The following RGS6 variants were observed in gnomAD, a reference collection of about 807,000 sequenced individuals.
RGS6 encodes regulator of G protein signaling 6.
In RGS6, 30 loss-of-function variants were observed where a neutral mutation model predicts 78.5. The observed-to-expected ratio is 0.38, with a 90% CI of 0.29 to 0.52. RGS6 has a LOEUF of 0.52. RGS6 is among the 20% of genes least tolerant of loss of function. The pLI, the probability that RGS6 is intolerant of heterozygous loss-of-function variation, is 0.85. For synonymous variants in RGS6, 206 were observed against 206.0 expected (o/e 1.00, Z 0.00); for missense variants, 495 against 609.7 (o/e 0.81, Z 1.98).
intron 2 of RGS6, among the ~76,000 whole-genome samples, chr14:72,075,625 A>G (rs1597154469): frequency 6.6e-6 from 1 of 152,312 alleles, no homozygotes; most frequent in Middle Eastern, 3.4e-3. Flanking sequence ...CCTAGAAGTA[A>G]TCACTCTTGT....
chr14:72,243,441 G>T (rs2053437332), intron 2 of RGS6, among the ~76,000 whole-genome samples: 1 of 151,350 alleles, frequency 6.6e-6, no homozygotes, highest in South Asian at 2.1e-4. Context: ...AGCATGACAA[G>T]TGAGAAAATG....
chr14:72,557,719 A>T (rs942289020), intron 17 of RGS6, among the ~76,000 whole-genome samples: 2 of 152,260 alleles, frequency 1.3e-5, no homozygotes, highest in African/African-American at 4.8e-5. Context: ...GCTGTATTCA[A>T]CGAAACACGA....
chr14:72,416,078 G>A (rs1228881085), intron 3 of RGS6, among the ~76,000 whole-genome samples: 1 of 151,478 alleles, frequency 6.6e-6, no homozygotes, highest in Non-Finnish European at 1.5e-5. Flanking sequence ...AACCCGGGAG[G>A]CGGAGGTTGC....
chr14:72,060,037 C>T (rs1029309706), intron 2 of RGS6, among the ~76,000 whole-genome samples: 4 of 152,102 alleles, frequency 2.6e-5, no homozygotes, highest in South Asian at 2.1e-4. Flanking sequence ...TATGTCTCCA[C>T]GATGGAAGAG....
intron 13 of RGS6, among the ~76,000 whole-genome samples, chr14:72,506,887 G>A (rs945864315): frequency 6.8e-6 from 1 of 147,560 alleles, no homozygotes; most frequent in South Asian, 2.2e-4. Context: ...AGTGGCTCAC[G>A]CCTGTAATCC....
chr14:71,900,561 A>G, the RGS6 span, among the ~76,000 whole-genome samples: 1 of 152,110 alleles, frequency 6.6e-6, no homozygotes, highest in African/African-American at 2.4e-5. Context: ...TGTTATCTTG[A>G]AACTAAAACT....
chr14:72,033,223 A>C (rs2091186961), intron 2 of RGS6, among the ~76,000 whole-genome samples: 1 of 152,132 alleles, frequency 6.6e-6, no homozygotes, highest in South Asian at 2.1e-4. Context: ...AAATGGTTGC[A>C]TTGGTGGGTT....
Position 72,540,403 on chromosome 14 carries a change from G to T in RGS6, c.1422+309G>T. On this transcript the variant is annotated intron_variant, in intron 17 of 17. Transcript: ENST00000553525. ...GAGGGACCCTGCTGCCCTCGGGGCT[G>T]TGCGGTTTGTGCATCTTCTGCAGCA... 1.2e-5 allele frequency: 18 copies of T among 1,464,534 alleles called. No homozygotes were observed. In the South Asian group the frequency reaches 2.6e-4, roughly 21 times the overall value. The allele number at this position is 1,464,534 out of a possible 1,614,324, so 90.7% of individuals were successfully genotyped here.
intron 3 of RGS6, among the ~76,000 whole-genome samples, chr14:72,450,712 A>G (rs146679437): frequency 6.6e-6 from 1 of 152,310 alleles, no homozygotes; most frequent in African/African-American, 2.4e-5. Flanking sequence ...TTAATCTTAG[A>G]TAGAACAGAA....
intron 2 of RGS6, among the ~76,000 whole-genome samples, chr14:72,289,369 G>A (rs939227629): frequency 1.3e-4 from 19 of 146,442 alleles, no homozygotes; most frequent in Admixed American, 2.8e-4. Flanking sequence ...CCCCCTCCCC[G>A]TTTTCCTGTG....
intron 2 of RGS6, among the ~76,000 whole-genome samples, chr14:72,320,534 C>T (rs2071625931): frequency 6.6e-6 from 1 of 151,974 alleles, no homozygotes; most frequent in South Asian, 2.1e-4. Flanking sequence ...GCAGAGATCA[C>T]ACCACTACAC....
At chr14:72,268,730 G>A (rs2059454294) in intron 2 of RGS6, among the ~76,000 whole-genome samples, 1 of 152,236 alleles carries the variant, frequency 6.6e-6, no homozygotes, top group Non-Finnish European at 1.5e-5. Flanking sequence ...GGTTGGGAGA[G>A]GGGAGACAGG....
the RGS6 span, among the ~76,000 whole-genome samples, chr14:71,873,468 C>T: frequency 4.6e-5 from 7 of 152,046 alleles, no homozygotes; most frequent in Non-Finnish European, 7.4e-5. Flanking sequence ...TCATATCCTT[C>T]GTCCACTTTT....
intron 15 of RGS6, among the ~76,000 whole-genome samples, chr14:72,528,651 CGGAG>C (rs1346347532): frequency 1.3e-5 from 2 of 151,670 alleles, no homozygotes; most frequent in Non-Finnish European, 2.9e-5. Context: ...AAGGGAAAGA[CGGAG>C]GGAGAGAGGA....
At chr14:72,308,191 C>T (rs1312710325) in intron 2 of RGS6, among the ~76,000 whole-genome samples, 2 of 152,104 alleles carry the variant, frequency 1.3e-5, no homozygotes, top group South Asian at 2.1e-4. Flanking sequence ...GCCTTCAGAA[C>T]GATGCTGAGT....
intron 2 of RGS6, among the ~76,000 whole-genome samples, chr14:72,193,377 T>C (rs2039200907): frequency 6.6e-6 from 1 of 152,206 alleles, no homozygotes; most frequent in Non-Finnish European, 1.5e-5. Context: ...CTGCTCCCTC[T>C]AATGGGAGGA....
intron 2 of RGS6, among the ~76,000 whole-genome samples, chr14:72,082,911 G>C (rs960259889): frequency 6.6e-6 from 1 of 152,100 alleles, no homozygotes; most frequent in African/African-American, 2.4e-5. Flanking sequence ...GGCTTAAAGA[G>C]GGAAGACATT....
rs564783379 is a variant in RGS6, at chr14:72,000,423, G to GT, written c.84+35549dup. On this transcript the variant is annotated intron_variant, in intron 2 of 17. Transcript: ENST00000553525. ...TAATGGGCCCCATCTTGGATATGAGGTGCTGAGGGGCAGAAACGGAAATAT... is the reference window on the plus strand; with the variant it reads ...TAATGGGCCCCATCTTGGATATGAGGTTGCTGAGGGGCAGAAACGGAAATAT... 1.9e-4 allele frequency among the ~76,000 whole-genome samples: 29 copies of GT among 152,202 alleles called. No homozygotes were observed. The South Asian group carries it at 5.0e-3, about 26-fold the overall frequency.
intron 2 of RGS6, among the ~76,000 whole-genome samples, chr14:72,073,237 G>A (rs1597119623): frequency 6.6e-6 from 1 of 152,130 alleles, no homozygotes; most frequent in East Asian, 1.9e-4. Context: ...CTTATTTAAC[G>A]TTGTCTATAG....
Sources: allele counts gnomAD v4.1 joint callset (sites outside exome capture counted in the v4.1 genomes callset), GRCh38; gene constraint gnomAD v4.1.1; transcripts MANE v1.5; gene names NCBI Gene and HGNC (gene_info 2026-07-23, HGNC 2026-07-21).